The following TMEFF2 variants were observed in gnomAD, a reference collection of about 807,000 sequenced individuals.
TMEFF2 encodes tomoregulin-2.
In TMEFF2, 28 loss-of-function variants were observed where a neutral mutation model predicts 53.8. The observed-to-expected ratio is 0.52, with a 90% CI of 0.39 to 0.71. TMEFF2 has a LOEUF of 0.71. Among genes scored for constraint, TMEFF2 ranks in the 30% least tolerant of loss-of-function variants. The pLI, the probability that TMEFF2 is intolerant of heterozygous loss-of-function variation, is 0.00. For missense variants in TMEFF2, 353 were observed against 455.2 expected (o/e 0.78, Z 2.04); for synonymous variants, 162 against 166.3 (o/e 0.97, Z 0.20).
intron 4 of TMEFF2, among the ~76,000 whole-genome samples, chr2:192,158,006 A>C (rs1690546825): frequency 6.6e-6 from 1 of 152,064 alleles, no homozygotes; most frequent in Admixed American, 6.6e-5. Context: ...CAGTGGTACA[A>C]TCCTTAGAGG....
intron 2 of TMEFF2, among the ~76,000 whole-genome samples, chr2:192,190,538 A>C (rs1437085831): frequency 6.6e-6 from 1 of 152,140 alleles, no homozygotes; most frequent in Non-Finnish European, 1.5e-5. Context: ...TGCAGACCTT[A>C]GAAGTTGACG....
In TMEFF2 at chr2:192,152,901, T is replaced by C. The variant is rs147449817; in HGVS notation, c.439+26767A>G. Among the ~76,000 whole-genome samples the C allele has an allele frequency of 1.9e-3, 283 of 151,910 alleles. 1 individual carries two copies. Among genetic ancestry groups the C allele is most frequent in the African/African-American group, 6.4e-3 (264 of 41,506 alleles). Reference sequence around the variant, plus strand: ...ATATTTAATCAAAACCCTACTTTAGTGGATTTATCAGCATGTACCATAAGG... The same window carrying C: ...ATATTTAATCAAAACCCTACTTTAGCGGATTTATCAGCATGTACCATAAGG... On this transcript the variant is annotated intron_variant, in intron 4 of 9. Transcript: ENST00000272771.
At chr2:192,108,689 C>T (rs1024876371) in intron 4 of TMEFF2, among the ~76,000 whole-genome samples, 4 of 151,960 alleles carry the variant, frequency 2.6e-5, no homozygotes, top group African/African-American at 9.7e-5. Flanking sequence ...AGCAATGACA[C>T]TCCTTGGTGT....
At chr2:192,171,727 C>T (rs145464559) in intron 4 of TMEFF2, among the ~76,000 whole-genome samples, 95 of 152,034 alleles carry the variant, frequency 6.2e-4, no homozygotes, top group African/African-American at 2.3e-3. Context: ...CCTTCATTCC[C>T]TCCTGATCCT....
intron 4 of TMEFF2, among the ~76,000 whole-genome samples, chr2:192,102,200 C>CA (rs1042631424): frequency 6.6e-5 from 10 of 151,536 alleles, no homozygotes; most frequent in South Asian, 2.1e-4. Flanking sequence ...AAAAGAAAAA[C>CA]AAAAAAAATG....
chr2:192,036,610 A>G (rs1484699822), intron 5 of TMEFF2: 1 of 152,178 alleles, frequency 6.6e-6, no homozygotes, highest in Non-Finnish European at 1.5e-5. Flanking sequence ...AATAAAATTG[A>G]GCCTCCTCAT....
intron 4 of TMEFF2, among the ~76,000 whole-genome samples, chr2:192,150,023 T>A (rs1208443098): frequency 6.6e-6 from 1 of 152,020 alleles, no homozygotes; most frequent in Non-Finnish European, 1.5e-5. Flanking sequence ...AATGTTTTGT[T>A]GCCAGGCACT....
intron 2 of TMEFF2, among the ~76,000 whole-genome samples, chr2:192,186,312 C>T (rs1559163144): frequency 6.6e-6 from 1 of 152,090 alleles, no homozygotes; most frequent in African/African-American, 2.4e-5. Flanking sequence ...CCACTACCAT[C>T]CAAGAAAGAA....
intron 4 of TMEFF2, among the ~76,000 whole-genome samples, chr2:192,149,196 G>T (rs772128812): frequency 1.3e-5 from 2 of 151,922 alleles, no homozygotes; most frequent in Non-Finnish European, 2.9e-5. Context: ...CAAGAGGAAG[G>T]GAGCTGCGTC....
chr2:192,185,846 C>A (rs1691298719), intron 2 of TMEFF2, among the ~76,000 whole-genome samples: 1 of 151,968 alleles, frequency 6.6e-6, no homozygotes. Flanking sequence ...GAAATGAAAG[C>A]CTAATTCTAT....
chr2:191,987,475 TG>T (rs1275904897), intron 7 of TMEFF2, among the ~76,000 whole-genome samples: 1 of 152,000 alleles, frequency 6.6e-6, no homozygotes, highest in African/African-American at 2.4e-5. Context: ...GGCATGATCT[TG>T]GCTCACTGCA....
At chr2:191,977,229 G>T (rs1306647576) in intron 7 of TMEFF2, among the ~76,000 whole-genome samples, 2 of 152,220 alleles carry the variant, frequency 1.3e-5, no homozygotes, top group Admixed American at 6.5e-5. Flanking sequence ...CATGGCTTGT[G>T]GGGGAACTAG....
chr2:192,023,546 C>A (rs571086736), intron 5 of TMEFF2, among the ~76,000 whole-genome samples: 3 of 152,220 alleles, frequency 2.0e-5, no homozygotes, highest in African/African-American at 7.2e-5. Flanking sequence ...TTATGTTCTT[C>A]AAAATAGGCT....
At chr2:191,988,794 GT>G (rs1232120564) in intron 7 of TMEFF2, among the ~76,000 whole-genome samples, 2 of 3,636 alleles carry the variant, frequency 5.5e-4, no homozygotes, top group African/African-American at 6.5e-4. Flanking sequence ...TAAGGCAGAG[GT>G]TTTTTTTTTT....
chr2:191,958,618 T>C (rs1692176873), intron 7 of TMEFF2, among the ~76,000 whole-genome samples: 1 of 152,178 alleles, frequency 6.6e-6, no homozygotes, highest in South Asian at 2.1e-4. Context: ...GCTGCTGCCT[T>C]AGTGTGGTAA....
intron 4 of TMEFF2, among the ~76,000 whole-genome samples, chr2:192,103,778 G>A (rs143909397): frequency 6.6e-6 from 1 of 152,088 alleles, no homozygotes; most frequent in East Asian, 1.9e-4. Context: ...ATGAGAAATT[G>A]TATGTCTTTG....
At chr2:192,176,050 G>A (rs1415466297) in intron 4 of TMEFF2, among the ~76,000 whole-genome samples, 1 of 151,370 alleles carries the variant, frequency 6.6e-6, no homozygotes, top group East Asian at 1.9e-4. Context: ...TCTTCCTGCA[G>A]TATTTGTTGC....
At chr2:192,107,197 G>C (rs183647791) in intron 4 of TMEFF2, among the ~76,000 whole-genome samples, 1 of 151,876 alleles carries the variant, frequency 6.6e-6, no homozygotes, top group African/African-American at 2.4e-5. Context: ...ATTACATTAT[G>C]ATAAAGCATG....
chr2:192,127,933 T>C (rs1255411866), intron 4 of TMEFF2, among the ~76,000 whole-genome samples: 1 of 152,322 alleles, frequency 6.6e-6, no homozygotes, highest in Non-Finnish European at 1.5e-5. Context: ...TGGAAACCCA[T>C]TAATTTAAAG....
Sources: gnomAD v4.1 joint callset for allele counts (sites outside exome capture counted in the v4.1 genomes callset) on GRCh38, gnomAD v4.1.1 for gene constraint, MANE v1.5 for transcripts, NCBI Gene and HGNC (gene_info 2026-07-23, HGNC 2026-07-21) for gene names.